The following PTH1R variants were observed in gnomAD, a reference collection of about 807,000 sequenced individuals.
The protein encoded by PTH1R is parathyroid hormone/parathyroid hormone-related peptide receptor.
PTH1R carries 32 observed loss-of-function variants against 70.7 expected under a neutral mutation model. The ratio of observed to expected loss-of-function variants is 0.45; its 90% confidence interval spans 0.34 to 0.61. PTH1R has a LOEUF of 0.61. PTH1R is among the 20% of genes least tolerant of loss of function. The pLI is 0.01. For synonymous variants in PTH1R, 329 were observed against 324.8 expected, an observed-to-expected ratio of 1.01 and a Z score of -0.14; for missense variants, 626 against 792.5, an observed-to-expected ratio of 0.79 and a Z score of 2.52.
At chr3:46,889,221 A>G (rs2031237383) in intron 3 of PTH1R, among the ~76,000 whole-genome samples, 1 of 152,178 alleles carries the variant, frequency 6.6e-6, no homozygotes, top group African/African-American at 2.4e-5. Context: ...CTGGTTCCCA[A>G]CACCAGAGCC....
In PTH1R at chr3:46,902,734, C is replaced by T. The variant is rs1199480904; in HGVS notation, c.1354-15C>T. 1 of 1,614,034 alleles carries T rather than the reference C, an allele frequency of 6.2e-7. No individual in the cohort carries two copies. The highest frequency in any genetic ancestry group is 1.1e-5 in the South Asian group (1 of 91,084). On this transcript the variant is annotated splice_polypyrimidine_tract_variant and intron_variant, in intron 14 of 15. Coordinates refer to ENST00000449590, the MANE Select transcript of PTH1R (RefSeq NM_000316.3). This position sits in a 1 kb window ranked among gnomAD's most constrained non-coding sequence, Gnocchi z 5.4. ...TTCCGGGGGCAGGCCTGATTCGAGA[C>T]ACCCCTCTTCACAGGGATTTTTTGT...
rs2030824396 is a variant in PTH1R at position 46,883,722 on chromosome 3, TC to T, written c.75+93del. ...AGGTCTAAGGCACGCAGTCTTGAGT[TC>T]CCCCAGTAGTTCGAACTTTGGGTGA... On this transcript the variant is annotated intron_variant, in intron 3 of 15. Coordinates refer to ENST00000449590, the MANE Select transcript of PTH1R (RefSeq NM_000316.3). The surrounding 1 kb of genome is among the most constrained non-coding windows in gnomAD (Gnocchi z 6.4). 2 of 1,465,904 alleles carry T rather than the reference TC, an allele frequency of 1.4e-6. No homozygotes were observed. Among genetic ancestry groups the T allele is most frequent in the Non-Finnish European group, 9.3e-7 (1 of 1,080,604 alleles). 90.8% of individuals were successfully genotyped at this position (1,465,904 alleles called of 1,614,324 possible).
At position 46,883,069 on chromosome 3, in the gene PTH1R, C is replaced by T. The variant is rs1205031896; in HGVS notation, c.-48-443C>T. 1.3e-5 allele frequency among the ~76,000 whole-genome samples: 2 copies of T among 151,540 alleles called. No homozygotes were observed. Among genetic ancestry groups the T allele is most frequent in the East Asian group, 2.0e-4 (1 of 5,096 alleles). The stretch of plus-strand genomic sequence containing the variant: ...AGTCCTGCGCGCCCCCCGCAGACCG[C>T]GACCCCGACCCCTCCCCCGCCCCCT... On this transcript the variant is annotated intron_variant, in intron 2 of 15. Coordinates refer to ENST00000449590, the MANE Select transcript of PTH1R (RefSeq NM_000316.3). This position sits in a 1 kb window ranked among gnomAD's most constrained non-coding sequence, Gnocchi z 6.4.
chr3:46,880,897 C>T (rs1405689042), intron 1 of PTH1R, among the ~76,000 whole-genome samples, 165 bp from the exon 2 acceptor site: 1 of 152,198 alleles, frequency 6.6e-6, no homozygotes, highest in Non-Finnish European at 1.5e-5. Context: ...CAGATTTGCA[C>T]TGAGGGTTGG....
Position 46,897,880 on chromosome 3 carries a change from C to T in PTH1R, c.339C>T (p.Asp113=), listed in dbSNP as rs772853292. 6.2e-7 allele frequency: 1 copy of T among 1,613,582 alleles called. No homozygotes were observed. Among genetic ancestry groups the T allele is most frequent in the Non-Finnish European group, 8.5e-7 (1 of 1,180,028 alleles). Reference sequence around the variant, plus strand: ...GGCGCCCCTGTCTGCCGGAATGGGACCACATCCTGTGCTGGCCGCTGGGGG... The same window carrying T: ...GGCGCCCCTGTCTGCCGGAATGGGATCACATCCTGTGCTGGCCGCTGGGGG... ...YRGRPCLPEW[D]HILCWPLGAP... The change falls in exon 6 of 16, where the codon GAC becomes GAT. Residue 113 remains aspartate (D), a synonymous_variant. Coordinates refer to ENST00000449590, the MANE Select transcript of PTH1R (RefSeq NM_000316.3).
chr3:46,902,379 C>T lies in PTH1R; in HGVS notation c.1212-147C>T. ...GCACTTAGCCAGGACAGCAGCCATG[C>T]AGGTGAACTGGGTTGTCCTCCCATG... On this transcript the variant is annotated intron_variant, in intron 13 of 15. Transcript: ENST00000449590. The surrounding 1 kb of genome is among the most constrained non-coding windows in gnomAD (Gnocchi z 5.4). 9.2e-7 allele frequency: 1 copy of T among 1,088,710 alleles called. No individual in the cohort carries two copies. Among genetic ancestry groups the T allele is most frequent in the South Asian group, 1.4e-5 (1 of 74,042 alleles). 67.4% of individuals were successfully genotyped at this position (1,088,710 alleles called of 1,614,324 possible).
In PTH1R at chr3:46,903,493, C is replaced by T. The variant is rs1429775188; in HGVS notation, c.1619C>T (p.Pro540Leu). 6.2e-7 allele frequency: 1 copy of T among 1,613,836 alleles called. No homozygotes were observed. Among genetic ancestry groups the T allele is most frequent in the African/African-American group, 1.3e-5 (1 of 74,948 alleles). Reference protein sequence around the residue: ...GHPQLPGHAKPGTPALETLET... With the variant: ...GHPQLPGHAKLGTPALETLET... ...CCTCAGCTGCCTGGCCATGCCAAGCCAGGGACCCCAGCCCTGGAGACCCTC... is the reference window on the plus strand; with the variant it reads ...CCTCAGCTGCCTGGCCATGCCAAGCTAGGGACCCCAGCCCTGGAGACCCTC... Residue 540 changes from proline to leucine, a missense_variant, in exon 16 of 16, where the codon CCA (proline) becomes CTA (leucine). Physicochemically the swap from Pro to Leu is moderately conservative, Grantham distance 98 (BLOSUM62 -3). Around this residue, in one of 3 missense-constraint regions of PTH1R, gnomAD observed 495 missense variants for 638.7 expected, o/e 0.77. Transcript: ENST00000449590. This position sits in a 1 kb window ranked among gnomAD's most constrained non-coding sequence, Gnocchi z 4.4.
chr3:46,903,114 A>G lies in PTH1R; in HGVS notation c.1396-156A>G, dbSNP rs1157414546. Among the ~76,000 whole-genome samples, 1 of 152,146 alleles carries G rather than the reference A, an allele frequency of 6.6e-6. No homozygotes were observed. Among genetic ancestry groups the G allele is most frequent in the East Asian group, 1.9e-4 (1 of 5,190 alleles). On this transcript the variant is annotated intron_variant, in intron 15 of 15. Transcript: ENST00000449590. The surrounding 1 kb of genome is among the most constrained non-coding windows in gnomAD (Gnocchi z 4.4). Reference sequence around the variant, plus strand: ...TGGGTGTGTCGGCTGCCTGTAGCCAAACACCCTGTTGTGAGGATGGGATTT... The same window carrying G: ...TGGGTGTGTCGGCTGCCTGTAGCCAGACACCCTGTTGTGAGGATGGGATTT...
In PTH1R at chr3:46,879,702, G is replaced by A. The variant is rs145974750; in HGVS notation, c.-105-1360G>A. On this transcript the variant is annotated intron_variant, in intron 1 of 15. Coordinates refer to ENST00000449590, the MANE Select transcript of PTH1R (RefSeq NM_000316.3). This position sits in a 1 kb window ranked among gnomAD's most constrained non-coding sequence, Gnocchi z 4.7. ...GTCAAGGCTGCTGTGAGCCATGACC[G>A]TGCCACTGCACTCCAGCCTGGGTGA... Among the ~76,000 whole-genome samples the A allele has an allele frequency of 7.4e-3, 1,126 of 152,202 alleles. 17 individuals are homozygous for A. Among genetic ancestry groups the A allele is most frequent in the African/African-American group, 0.025 (1,052 of 41,508 alleles).
rs754431646 is a variant in PTH1R at position 46,902,909 on chromosome 3, T to C, written c.1395+119T>C. ...TTCTTTGTTCCTCCAAGAACACCCC[T>C]GAGGACATTCTGAAAGCAGAGAAGT... On this transcript the variant is annotated intron_variant, in intron 15 of 15. Coordinates refer to ENST00000449590, the MANE Select transcript of PTH1R (RefSeq NM_000316.3). The surrounding 1 kb of genome is among the most constrained non-coding windows in gnomAD (Gnocchi z 5.4). The C allele has an allele frequency of 2.8e-6, 4 of 1,405,126 alleles. No individual in the cohort carries two copies. The African/African-American group carries it at 5.7e-5, about 20-fold the overall frequency. 87.0% of individuals were successfully genotyped at this position (1,405,126 alleles called of 1,614,324 possible). A position where few individuals can be genotyped will look rare whatever the true frequency, so the allele number is the denominator to read the frequency against.
At position 46,902,577 on chromosome 3, in the gene PTH1R, C is replaced by T. The variant is rs1160409159; in HGVS notation, c.1263C>T (p.Tyr421=). 2.5e-6 allele frequency: 4 copies of T among 1,613,670 alleles called. No individual in the cohort carries two copies. The highest frequency in any genetic ancestry group is 3.3e-5 in the Admixed American group (2 of 60,014). Residue 421 remains tyrosine (Y), a synonymous_variant, in exon 14 of 16, where the codon TAC becomes TAT. Transcript: ENST00000449590. The surrounding 1 kb of genome is among the most constrained non-coding windows in gnomAD (Gnocchi z 5.4). ...TCATGCCCCTCTTTGGCGTCCACTA[C>T]ATTGTCTTCATGGCCACACCATACA... ...LVLMPLFGVH[Y]IVFMATPYTE...
At chr3:46,895,999 A>ATGT in intron 5 of PTH1R, 130 bp downstream of exon 5, 1 of 1,220,732 alleles carries the variant, frequency 8.2e-7, no homozygotes, top group Non-Finnish European at 1.2e-6. Context: ...CCACATCCCC[A>ATGT]GGCAAGGGGC....
In PTH1R at chr3:46,894,013, G is replaced by T. The variant is rs2031586479; in HGVS notation, c.178+4G>T. ...AAGGAGGTCCTGCAGAGGCCAGGTG[G>T]GGGTCAAAGGAAGAGGGTCTGGGGA... On this transcript the variant is annotated splice_donor_region_variant and intron_variant, in intron 4 of 15. Transcript: ENST00000449590. The T allele has an allele frequency of 6.2e-7, 1 of 1,613,886 alleles. No individual in the cohort carries two copies. Among genetic ancestry groups the T allele is most frequent in the Non-Finnish European group, 8.5e-7 (1 of 1,179,858 alleles).
intron 2 of PTH1R, among the ~76,000 whole-genome samples, chr3:46,881,365 G>A (rs1204285321): frequency 6.6e-6 from 1 of 152,086 alleles, no homozygotes; most frequent in Middle Eastern, 3.2e-3. Flanking sequence ...CAACCCCCGC[G>A]GACTCCTCCT....
intron 10 of PTH1R, 148 bp downstream of exon 10, chr3:46,899,604 C>A: frequency 9.2e-7 from 1 of 1,092,454 alleles, no homozygotes; most frequent in Non-Finnish European, 1.3e-6. Flanking sequence ...TTCTGTGATC[C>A]TGACCCTATT....
chr3:46,899,570 C>A (rs746618963), intron 10 of PTH1R, 114 bp downstream of exon 10: 2 of 1,373,526 alleles, frequency 1.5e-6, no homozygotes, highest in Non-Finnish European at 2.0e-6. Flanking sequence ...CCAAGTGGAA[C>A]AGCAGGAGAG....
chr3:46,898,670 A>C lies in PTH1R; in HGVS notation c.647A>C (p.His216Pro), dbSNP rs753660915. The change falls in exon 9 of 16, where the codon CAC becomes CCC. Residue 216 changes from histidine to proline, a missense_variant. By Grantham distance (77) the His-to-Pro change is moderately conservative (BLOSUM62 -2). Transcript: ENST00000449590. The stretch of plus-strand genomic sequence containing the variant: ...TGTCGCGCGCCCCGCAGGCGGCTGC[A>C]CTGCACGCGCAACTACATCCACATG... ...VLILAYFRRLHCTRNYIHMHL... is the reference protein window; with the variant it reads ...VLILAYFRRLPCTRNYIHMHL... The C allele has an allele frequency of 6.2e-7, 1 of 1,612,148 alleles. No homozygotes were observed. Among genetic ancestry groups the C allele is most frequent in the Non-Finnish European group, 8.5e-7 (1 of 1,179,742 alleles).
At chr3:46,887,456 GAAAAAAAAAAA>G (rs771034289) in intron 3 of PTH1R, among the ~76,000 whole-genome samples, 11 of 63,944 alleles carry the variant, frequency 1.7e-4, no homozygotes, top group Non-Finnish European at 2.2e-4. Flanking sequence ...CCCTGTCTCT[GAAAAAAAAAAA>G]AAAAAAAAAA....
chr3:46,895,485 C>G (rs2031696011), intron 4 of PTH1R, among the ~76,000 whole-genome samples: 1 of 152,212 alleles, frequency 6.6e-6, no homozygotes, highest in Non-Finnish European at 1.5e-5. Flanking sequence ...ACCCCACTAG[C>G]TGATCCTGCA....
Sources: gnomAD v4.1 joint callset for allele counts (sites outside exome capture counted in the v4.1 genomes callset) on GRCh38, gnomAD v4.1.1 for gene constraint, gnomAD v4.1.1 regional missense constraint, Gnocchi (gnomAD v3.1) non-coding constraint, MANE v1.5 for transcripts, NCBI Gene and HGNC (gene_info 2026-07-23, HGNC 2026-07-21) for gene names.